COL12A1: variants seen among roughly 807,000 people sequenced by gnomAD.
COL12A1 encodes the protein collagen alpha-1(XII) chain.
COL12A1 carries 114 observed loss-of-function variants against 349.7 expected under a neutral mutation model. The observed-to-expected ratio is 0.33, with a 90% CI of 0.28 to 0.38. The LOEUF (loss-of-function observed/expected upper bound fraction) is 0.38, where lower values mean the gene tolerates loss of function less well. Ranked by LOEUF, COL12A1 falls within the 10% of genes least tolerant of loss-of-function variation. The pLI is 1.00. For missense variants in COL12A1, 3,284 were observed against 3,756.9 expected, an observed-to-expected ratio of 0.87 and a Z score of 3.29; for synonymous variants, 1,369 against 1,329.0, an observed-to-expected ratio of 1.03 and a Z score of -0.66.
At chr6:75,197,667 A>G (rs1345160131) in intron 2 of COL12A1, among the ~76,000 whole-genome samples, 1 of 152,198 alleles carries the variant, frequency 6.6e-6, no homozygotes, top group Non-Finnish European at 1.5e-5. Flanking sequence ...AAAGAGCCAT[A>G]GTTGCATAGG....
intron 20 of COL12A1, 98 bp downstream of exon 20, chr6:75,151,769 G>T (rs2076668088): frequency 3.2e-6 from 4 of 1,234,790 alleles, no homozygotes; most frequent in East Asian, 4.9e-5. Context: ...AAAAAAATGG[G>T]TATTTTTTTT....
Position 75,130,965 on chromosome 6 carries a change from T to C in COL12A1, c.5954A>G (p.Asn1985Ser), listed in dbSNP as rs373170333. ...RPSESIVVPG[N>S]TRMVHLERLI... ...CCGCTCCAGATGCACCATGCGCGTG[T>C]TTCCTGGCACTACTATCTGCAGGAG... is the stretch of plus-strand genomic sequence containing the variant. Residue 1985 changes from asparagine to serine, a missense_variant, in exon 36 of 66, where the codon AAC (asparagine) becomes AGC (serine). This residue lies in a region of COL12A1 where 2,601 missense variants were observed against 2,824.8 expected (regional missense o/e 0.92). Transcript: ENST00000322507. 1.2e-6 allele frequency: 2 copies of C among 1,614,120 alleles called. No homozygotes were observed. Among genetic ancestry groups the C allele is most frequent in the African/African-American group, 1.3e-5 (1 of 75,036 alleles).
chr6:75,163,497 C>T (rs1372018042), intron 14 of COL12A1, among the ~76,000 whole-genome samples: 1 of 152,072 alleles, frequency 6.6e-6, no homozygotes, highest in Non-Finnish European at 1.5e-5. Context: ...GAACCTCACA[C>T]ACCGGGGCCT....
At chr6:75,187,712 C>T (rs527960565) in intron 8 of COL12A1, among the ~76,000 whole-genome samples, 3 of 152,140 alleles carry the variant, frequency 2.0e-5, no homozygotes, top group South Asian at 2.1e-4. Flanking sequence ...AATCACTTAT[C>T]GATTCTCAAG....
chr6:75,087,585 C>G lies in COL12A1; in HGVS notation c.9173G>C (p.Gly3058Ala). 1 of 1,613,876 alleles carries G rather than the reference C, an allele frequency of 6.2e-7. No homozygotes were observed. Among genetic ancestry groups the G allele is most frequent in the South Asian group, 1.1e-5 (1 of 91,066 alleles). Residue 3058 changes from glycine to alanine, a missense_variant, in exon 65 of 66, where the codon GGC (glycine) becomes GCC (alanine). Coordinates refer to ENST00000322507, the MANE Select transcript of COL12A1 (RefSeq NM_004370.6). ...CAATGGCAACAACGTACCTGGATAGCCTTGCCCGTTGTATGGGATGCTGGC... is the reference window on the plus strand; with the variant it reads ...CAATGGCAACAACGTACCTGGATAGGCTTGCCCGTTGTATGGGATGCTGGC... The part of the protein sequence containing the change: ...QCASIPYNGQ[G>A]YPGSG
At chr6:75,159,046 A>G (rs1767901210) in intron 14 of COL12A1, among the ~76,000 whole-genome samples, 1 of 152,014 alleles carries the variant, frequency 6.6e-6, no homozygotes, top group Admixed American at 6.6e-5. Context: ...CACAAGAAAC[A>G]TAAAGAAACT....
Position 75,145,442 on chromosome 6 carries a change from G to A in COL12A1, c.4574C>T (p.Pro1525Leu). Residue 1525 changes from proline to leucine, a missense_variant, in exon 25 of 66, where the codon CCA (proline) becomes CTA (leucine). Pro to Leu is a moderately conservative substitution (Grantham distance 98). Coordinates refer to ENST00000322507, the MANE Select transcript of COL12A1 (RefSeq NM_004370.6). ...PTRPKEVRLG[P>L]TVNDMQLTDL... ...AGTCAGCTGCATGTCATTCACTGTT[G>A]GCCCCAAACGCACCTGCACATGGAT... is the stretch of plus-strand genomic sequence containing the variant. 1.2e-6 allele frequency: 2 copies of A among 1,613,632 alleles called. No individual in the cohort carries two copies. Among genetic ancestry groups the A allele is most frequent in the Non-Finnish European group, 1.7e-6 (2 of 1,179,716 alleles).
chr6:75,178,268 A>AATTAT (rs1769082836), intron 11 of COL12A1, among the ~76,000 whole-genome samples: 1 of 152,208 alleles, frequency 6.6e-6, no homozygotes, highest in African/African-American at 2.4e-5. Context: ...GAATAAAAAC[A>AATTAT]AGTCATTTCT....
rs1362518345 is a variant in COL12A1 at position 75,191,722 on chromosome 6, G to T, written c.373C>A (p.Pro125Thr). 6 of 1,593,300 alleles carry T rather than the reference G, an allele frequency of 3.8e-6. No individual in the cohort carries two copies. Among genetic ancestry groups the T allele is most frequent in the Non-Finnish European group, 4.3e-6 (5 of 1,169,972 alleles). The stretch of plus-strand genomic sequence containing the variant: ...TCACTTTGTATCTCGGTTTTTCCAG[G>T]TTTCTTCTCCACTGGCTTTGTCGAA... The part of the protein sequence containing the change: ...GSSTKPVEKK[P>T]GKTEIQKCSV... The change falls in exon 5 of 66, where the codon CCT becomes ACT. Residue 125 changes from proline (P) to threonine (T), a missense_variant. Around this residue, in one of 2 missense-constraint regions of COL12A1, gnomAD observed 2,601 missense variants for 2,824.8 expected, o/e 0.92. Coordinates refer to ENST00000322507, the MANE Select transcript of COL12A1 (RefSeq NM_004370.6).
rs1163020593 is a variant in COL12A1, at chr6:75,152,317, T to C, written c.3715+16A>G. 6.2e-7 allele frequency: 1 copy of C among 1,613,384 alleles called. No individual in the cohort carries two copies. Among genetic ancestry groups the C allele is most frequent in the Non-Finnish European group, 8.5e-7 (1 of 1,179,668 alleles). Reference sequence around the variant, plus strand: ...GATAAAAATGTCTAAATGGCTCCAATGTTGTCAGAACCTACCAATTTGTAC... The same window carrying C: ...GATAAAAATGTCTAAATGGCTCCAACGTTGTCAGAACCTACCAATTTGTAC... On this transcript the variant is annotated intron_variant, in intron 18 of 65. Transcript: ENST00000322507.
In COL12A1 at chr6:75,183,367, T is replaced by A. The variant is rs756100330; in HGVS notation, c.1574A>T (p.Tyr525Phe). The change falls in exon 10 of 66, where the codon TAT becomes TTT. Residue 525 changes from tyrosine (Y) to phenylalanine (F), a missense_variant. Tyr to Phe is a conservative substitution (Grantham distance 22). This residue lies in a region of COL12A1 where 2,601 missense variants were observed against 2,824.8 expected (regional missense o/e 0.92). Coordinates refer to ENST00000322507, the MANE Select transcript of COL12A1 (RefSeq NM_004370.6). Reference sequence around the variant, plus strand: ...AGGCACAAATATTTTCTCTCTGACATAAGTCATTGCTTTGCCAGTATTTGT... The same window carrying A: ...AGGCACAAATATTTTCTCTCTGACAAAAGTCATTGCTTTGCCAGTATTTGT... ...GSTNTGKAMT[Y>F]VREKIFVPSK... 5.6e-6 allele frequency: 9 copies of A among 1,614,258 alleles called. No homozygotes were observed. In the African/African-American group the frequency reaches 1.2e-4, roughly 22 times the overall value.
At chr6:75,104,327 T>C (rs1246222158) in intron 54 of COL12A1, among the ~76,000 whole-genome samples, 1 of 152,108 alleles carries the variant, frequency 6.6e-6, no homozygotes, top group Non-Finnish European at 1.5e-5. Context: ...ATCCAGGACA[T>C]AATTTCATGA....
intron 8 of COL12A1, among the ~76,000 whole-genome samples, chr6:75,187,472 G>A (rs511970): frequency 0.88 from 133,363 of 152,104 alleles, 58,796 homozygotes; most frequent in Non-Finnish European, 0.93. Context: ...AAGACTGAGT[G>A]AAGAGAAGTA....
At chr6:75,154,281 A>C (rs1767640511) in intron 17 of COL12A1, 135 bp downstream of exon 17, 1 of 1,029,920 alleles carries the variant, frequency 9.7e-7, no homozygotes, top group Non-Finnish European at 1.3e-6. Context: ...TTTTTTTGCT[A>C]AGTATGTAAA....
At chr6:75,162,311 T>C (rs1318788931) in intron 14 of COL12A1, among the ~76,000 whole-genome samples, 1 of 150,896 alleles carries the variant, frequency 6.6e-6, no homozygotes, top group Non-Finnish European at 1.5e-5. Flanking sequence ...TAAAGTGCAA[T>C]AAATAGACCA....
intron 14 of COL12A1, among the ~76,000 whole-genome samples, chr6:75,164,544 G>C (rs2149437002): frequency 6.6e-6 from 1 of 152,262 alleles, no homozygotes; most frequent in East Asian, 1.9e-4. Context: ...ATTTGCTTTG[G>C]TTTGGTTTCA....
rs978977327 is a variant in COL12A1, at chr6:75,152,541, C to T, written c.3566-59G>A. Reference sequence around the variant, plus strand: ...AGCAAATTGTTGGCAAGGGTACTTCCTTGTCACACCTCTACCACTCCCTGG... The same window carrying T: ...AGCAAATTGTTGGCAAGGGTACTTCTTTGTCACACCTCTACCACTCCCTGG... On this transcript the variant is annotated intron_variant, in intron 17 of 65. Coordinates refer to ENST00000322507, the MANE Select transcript of COL12A1 (RefSeq NM_004370.6). 3 of 1,586,418 alleles carry T rather than the reference C, an allele frequency of 1.9e-6. No homozygotes were observed. The African/African-American group carries it at 4.0e-5, about 21-fold the overall frequency.
intron 59 of COL12A1, 57 bp from the exon 60 acceptor site, chr6:75,095,236 A>G: frequency 5.2e-6 from 7 of 1,342,598 alleles, no homozygotes; most frequent in Non-Finnish European, 7.4e-6. Context: ...TCCCATCTAA[A>G]GTAAATGAAT....
In COL12A1 at chr6:75,194,887, C is replaced by T. The variant is rs1341300909; in HGVS notation, c.134G>A (p.Trp45Ter). ...IIDENTVHMS[W>*]AKPVDPIVGY... ...CACAATTGGATCAACTGGTTTTGCC[C>T]ATGACATATGAACAGTATTTTCATC... The change falls in exon 3 of 66, where the codon TGG becomes TAG. Residue 45 changes from tryptophan to a stop codon, truncating the protein, a stop_gained. Transcript: ENST00000322507. LOFTEE classifies it high-confidence loss of function. 1 of 1,612,288 alleles carries T rather than the reference C, an allele frequency of 6.2e-7. No individual in the cohort carries two copies. The highest frequency in any genetic ancestry group is 1.3e-5 in the African/African-American group (1 of 74,848).
Sources: allele counts gnomAD v4.1 joint callset (sites outside exome capture counted in the v4.1 genomes callset), GRCh38; gene constraint gnomAD v4.1.1; regional missense constraint gnomAD v4.1.1; transcripts MANE v1.5; gene names NCBI Gene and HGNC (gene_info 2026-07-23, HGNC 2026-07-21).